DRICH1: variants seen among roughly 807,000 people sequenced by gnomAD.
DRICH1 encodes the protein aspartate-rich protein 1.
In DRICH1, 38 loss-of-function variants were observed where a neutral mutation model predicts 39.5. The ratio of observed to expected loss-of-function variants is 0.96; its 90% CI spans 0.74 to 1.26. The LOEUF is 1.26. DRICH1 is among the 50% of genes most tolerant of loss of function. The pLI, the probability that DRICH1 is intolerant of heterozygous loss-of-function variation, is 0.00. For missense variants in DRICH1, 279 were observed against 270.4 expected (o/e 1.03, Z -0.22); for synonymous variants, 84 against 99.5 (o/e 0.84, Z 0.93).
At chr22:23,587,861 G>A in the DRICH1 span, among the ~76,000 whole-genome samples, 5 of 152,110 alleles carry the variant, frequency 3.3e-5, no homozygotes, top group South Asian at 2.1e-4. Context: ...CCTTAATTGC[G>A]TCTGCACTGC....
chr22:23,614,177 C>T lies in DRICH1; in HGVS notation c.579G>A (p.Leu193=), dbSNP rs749752277. 6.2e-7 allele frequency: 1 copy of T among 1,613,980 alleles called. No homozygotes were observed. The highest frequency in any genetic ancestry group is 8.5e-7 in the Non-Finnish European group (1 of 1,179,830). ...CTTCTTCTTCTTCATCTTTGTGTCT[C>T]AGTGAGCATCTTAAAAACAGGCTAT... ...SEDSLFLRCS[L]RHKDEEEEDD... is the part of the protein sequence containing the mutation. Residue 193 remains leucine (L), a synonymous_variant, in exon 9 of 12, where the codon CTG becomes CTA. Transcript: ENST00000317749.
chr22:23,583,623 C>G, the DRICH1 span: 1 of 152,416 alleles, frequency 6.6e-6, no homozygotes, highest in Admixed American at 6.5e-5. Flanking sequence ...GCGCCAAAGG[C>G]TGCATGCCAG....
chr22:23,590,863 C>T, the DRICH1 span, among the ~76,000 whole-genome samples: 7 of 151,406 alleles, frequency 4.6e-5, no homozygotes, highest in Non-Finnish European at 8.8e-5. Flanking sequence ...AAGGGATCCG[C>T]TCACCCTGCC....
At chr22:23,609,856 T>C (rs538325970) in intron 11 of DRICH1, among the ~76,000 whole-genome samples, 1 of 152,340 alleles carries the variant, frequency 6.6e-6, no homozygotes, top group Non-Finnish European at 1.5e-5. Context: ...CCAAGCCCTC[T>C]GGAGGCCCTC....
downstream of DRICH1, among the ~76,000 whole-genome samples, chr22:23,604,086 T>G (rs1359591862): frequency 6.6e-6 from 1 of 152,136 alleles, no homozygotes; most frequent in African/African-American, 2.4e-5. Context: ...ACACCCTCCA[T>G]GGGGTGTCTC....
intron 6 of DRICH1, among the ~76,000 whole-genome samples, chr22:23,618,299 G>A (rs1038376525): frequency 6.6e-6 from 1 of 151,496 alleles, no homozygotes; most frequent in African/African-American, 2.4e-5. Flanking sequence ...TATTTTTAGT[G>A]GAGTTGGAGT....
the DRICH1 span, among the ~76,000 whole-genome samples, chr22:23,592,451 T>A: frequency 6.6e-6 from 1 of 151,842 alleles, no homozygotes; most frequent in South Asian, 2.1e-4. Flanking sequence ...GAATCCAGGC[T>A]TAAGAGGAGA....
chr22:23,601,140 A>ACGCGCG, the DRICH1 span, among the ~76,000 whole-genome samples: 1 of 142,686 alleles, frequency 7.0e-6, no homozygotes, highest in African/African-American at 2.7e-5. Context: ...GACCTAACGC[A>ACGCGCG]CGCGCGCACA....
chr22:23,627,387 GTAAATAGT>G (rs1158417467), intron 1 of DRICH1, among the ~76,000 whole-genome samples: 1 of 152,026 alleles, frequency 6.6e-6, no homozygotes, highest in Non-Finnish European at 1.5e-5. Flanking sequence ...ACTTTTAATT[GTAAATAGT>G]TAAATGTATT....
chr22:23,617,501 G>C (rs1381782417), intron 7 of DRICH1, 74 bp downstream of exon 7: 4 of 1,529,712 alleles, frequency 2.6e-6, no homozygotes, highest in Non-Finnish European at 2.7e-6. Flanking sequence ...CATTCTTTGG[G>C]ATTGGATTGG....
At chr22:23,628,851 A>G (rs1361893297) in intron 1 of DRICH1, among the ~76,000 whole-genome samples, 1 of 152,122 alleles carries the variant, frequency 6.6e-6, no homozygotes, top group Non-Finnish European at 1.5e-5. Context: ...CCATCATCGC[A>G]CAAAGAGATG....
At chr22:23,628,809 G>GC (rs1030069631) in intron 1 of DRICH1, among the ~76,000 whole-genome samples, 7 of 152,026 alleles carry the variant, frequency 4.6e-5, no homozygotes, top group Admixed American at 1.3e-4. Flanking sequence ...TTCCTGCTCT[G>GC]CCCCCCCACC....
chr22:23,624,704 A>G (rs151210757), intron 3 of DRICH1, among the ~76,000 whole-genome samples, 179 bp downstream of exon 3: 1 of 152,094 alleles, frequency 6.6e-6, no homozygotes, highest in African/African-American at 2.4e-5. Context: ...AAATCTCCTC[A>G]TTGGTCCTCT....
intron 1 of DRICH1, among the ~76,000 whole-genome samples, chr22:23,629,680 C>T (rs1363287755): frequency 1.3e-5 from 2 of 152,100 alleles, no homozygotes; most frequent in East Asian, 1.9e-4. Flanking sequence ...GGCAGTGGCT[C>T]GATCTCGGCT....
intron 4 of DRICH1, 25 bp downstream of exon 4, chr22:23,622,066 A>G: frequency 6.2e-7 from 1 of 1,608,830 alleles, no homozygotes; most frequent in East Asian, 2.2e-5. Context: ...ACATTTCCTT[A>G]GAAGACAAAG....
chr22:23,587,991 C>T, the DRICH1 span, among the ~76,000 whole-genome samples: 3 of 152,192 alleles, frequency 2.0e-5, no homozygotes, highest in African/African-American at 7.2e-5. Flanking sequence ...GTCACCCTGG[C>T]CTGCCTTCTG....
chr22:23,592,835 TACACACACACACACACAC>T, the DRICH1 span, among the ~76,000 whole-genome samples: 3 of 135,244 alleles, frequency 2.2e-5, no homozygotes, highest in East Asian at 4.5e-4. Context: ...CTATTAAAAA[TACACACACACACACACAC>T]ACACACACAC....
chr22:23,617,339 C>T (rs751175303), intron 7 of DRICH1, among the ~76,000 whole-genome samples: 8 of 152,064 alleles, frequency 5.3e-5, no homozygotes, highest in Non-Finnish European at 1.2e-4. Flanking sequence ...ATACAGTGGT[C>T]CATGTTTAAT....
chr22:23,605,285 C>T (rs1421137656), downstream of DRICH1, among the ~76,000 whole-genome samples: 3 of 152,114 alleles, frequency 2.0e-5, no homozygotes, highest in East Asian at 3.8e-4. Flanking sequence ...GGAGAGGGGC[C>T]GCACCATGTC....
Sources: allele counts gnomAD v4.1 joint callset (sites outside exome capture counted in the v4.1 genomes callset), GRCh38; gene constraint gnomAD v4.1.1; transcripts MANE v1.5; gene names NCBI Gene and HGNC (gene_info 2026-07-23, HGNC 2026-07-21).